The following CSMD1 variants were observed in gnomAD, a reference collection of about 807,000 sequenced individuals.
CSMD1 encodes CUB and sushi domain-containing protein 1.
A neutral mutation model predicts 417.5 loss-of-function variants in CSMD1; 213 were observed. That is an observed-to-expected ratio of 0.51 (90% CI 0.46 to 0.57). CSMD1 has a LOEUF of 0.57. Among genes scored for constraint, CSMD1 ranks in the 20% least tolerant of loss-of-function variants. CSMD1 has a pLI of 0.00. For synonymous variants in CSMD1, 2,862 were observed against 1,736.8 expected, an observed-to-expected ratio of 1.65 and a Z score of -16.11; for missense variants, 6,923 against 4,529.7, an observed-to-expected ratio of 1.53 and a Z score of -15.17.
intron 29 of CSMD1, 93 bp downstream of exon 29, chr8:3,219,162 A>G (rs905050479): frequency 3.9e-6 from 4 of 1,034,390 alleles, no homozygotes; most frequent in Non-Finnish European, 5.7e-6. Flanking sequence ...TTTATGTATT[A>G]AACAGACAAG....
chr8:4,927,002 A>T (rs1365123794), intron 1 of CSMD1, among the ~76,000 whole-genome samples: 1 of 152,020 alleles, frequency 6.6e-6, no homozygotes, highest in Non-Finnish European at 1.5e-5. Flanking sequence ...TAAAGATTCA[A>T]AGCAGTAGAC....
At position 3,037,139 on chromosome 8, in the gene CSMD1, G is replaced by A. The variant is rs529175598; in HGVS notation, c.7661-7626C>T. Reference sequence around the variant, plus strand: ...GGCCTCCAGCTCCATCCAAGTCCCTGCACAAGACATTATTTCATTCCTTTT... The same window carrying A: ...GGCCTCCAGCTCCATCCAAGTCCCTACACAAGACATTATTTCATTCCTTTT... On this transcript the variant is annotated intron_variant, in intron 50 of 69. Transcript: ENST00000635120. 1.2e-4 allele frequency among the ~76,000 whole-genome samples: 18 copies of A among 152,184 alleles called. No individual in the cohort carries two copies. The South Asian group carries it at 3.3e-3, about 28-fold the overall frequency.
chr8:3,404,625 A>C (rs1471400766), intron 15 of CSMD1, among the ~76,000 whole-genome samples: 1 of 152,264 alleles, frequency 6.6e-6, no homozygotes, highest in African/African-American at 2.4e-5. Context: ...TTAAAAATAA[A>C]TACATGTTGA....
At chr8:4,893,004 C>T (rs1804226222) in intron 1 of CSMD1, among the ~76,000 whole-genome samples, 1 of 152,110 alleles carries the variant, frequency 6.6e-6, no homozygotes, top group South Asian at 2.1e-4. Context: ...TGTGATACTG[C>T]ATCTGTGTTT....
At chr8:4,574,641 C>A (rs1799050645) in intron 2 of CSMD1, among the ~76,000 whole-genome samples, 1 of 152,174 alleles carries the variant, frequency 6.6e-6, no homozygotes, top group Non-Finnish European at 1.5e-5. Flanking sequence ...ATGGGAGACA[C>A]TTAAAGAATT....
intron 26 of CSMD1, among the ~76,000 whole-genome samples, chr8:3,279,527 T>C (rs940606247): frequency 2.0e-5 from 3 of 152,128 alleles, no homozygotes; most frequent in Non-Finnish European, 2.9e-5. Context: ...CGTATGACAA[T>C]CCCAGTGGGA....
At chr8:4,554,733 G>C (rs769530170) in intron 2 of CSMD1, among the ~76,000 whole-genome samples, 1 of 152,166 alleles carries the variant, frequency 6.6e-6, no homozygotes, top group Admixed American at 6.6e-5. Flanking sequence ...CTATTGTAGT[G>C]ATGTATTCGA....
intron 2 of CSMD1, among the ~76,000 whole-genome samples, chr8:4,525,261 G>C (rs761478180): frequency 2.6e-5 from 4 of 152,096 alleles, no homozygotes; most frequent in African/African-American, 9.7e-5. Context: ...GAACAGAGAG[G>C]AAAGGAAAGA....
intron 2 of CSMD1, among the ~76,000 whole-genome samples, chr8:4,554,012 T>A (rs538800674): frequency 5.3e-5 from 8 of 152,338 alleles, no homozygotes; most frequent in Non-Finnish European, 8.8e-5. Flanking sequence ...TAGTAGACCT[T>A]GCGATCTAAC....
chr8:4,903,522 A>G (rs1805037880), intron 1 of CSMD1, among the ~76,000 whole-genome samples: 2 of 152,278 alleles, frequency 1.3e-5, no homozygotes, highest in Non-Finnish European at 1.5e-5. Flanking sequence ...ACTGCAAAAA[A>G]TACTGAAACA....
At chr8:4,809,514 C>G (rs1485298989) in intron 1 of CSMD1, among the ~76,000 whole-genome samples, 1 of 152,148 alleles carries the variant, frequency 6.6e-6, no homozygotes, top group Non-Finnish European at 1.5e-5. Flanking sequence ...GAATCTCAGA[C>G]TAAGTTCTAC....
intron 11 of CSMD1, among the ~76,000 whole-genome samples, chr8:3,473,888 T>C (rs1585217113): frequency 6.6e-6 from 1 of 152,008 alleles, no homozygotes; most frequent in Non-Finnish European, 1.5e-5. Flanking sequence ...ACAATCATGG[T>C]AGAGGGTGAA....
chr8:4,905,895 AAT>A (rs916090539), intron 1 of CSMD1, among the ~76,000 whole-genome samples: 4 of 150,706 alleles, frequency 2.7e-5, no homozygotes, highest in African/African-American at 7.3e-5. Context: ...TCTCACATCT[AAT>A]TGCCTTTCTC....
chr8:3,833,870 A>T (rs1013099167), intron 5 of CSMD1, among the ~76,000 whole-genome samples: 1 of 152,146 alleles, frequency 6.6e-6, no homozygotes, highest in African/African-American at 2.4e-5. Context: ...TTTGATTTGA[A>T]GTGTAGTTGT....
Position 3,833,584 on chromosome 8 carries a change from A to G in CSMD1, c.819-79542T>C, listed in dbSNP as rs74985574. ...GTAATCAACTTTTTTGTTTTTCATA[A>G]TTTTGATGATACTTTGAACAATAAT... On this transcript the variant is annotated intron_variant, in intron 5 of 69. Transcript: ENST00000635120. 1.3e-4 allele frequency among the ~76,000 whole-genome samples: 19 copies of G among 151,902 alleles called. No individual in the cohort carries two copies. In the East Asian group the frequency reaches 3.7e-3, roughly 29 times the overall value.
At chr8:3,733,232 C>G (rs913911155) in intron 6 of CSMD1, among the ~76,000 whole-genome samples, 4 of 147,080 alleles carry the variant, frequency 2.7e-5, no homozygotes, top group Middle Eastern at 3.6e-3. Context: ...CATACACATA[C>G]ATATATTACA....
intron 1 of CSMD1, among the ~76,000 whole-genome samples, chr8:4,921,466 G>A (rs190232698): frequency 6.0e-4 from 91 of 152,254 alleles, no homozygotes; most frequent in African/African-American, 2.0e-3. Context: ...TCTTTATACT[G>A]TCCCCTGAAA....
At chr8:4,225,568 A>G (rs1207489620) in intron 3 of CSMD1, among the ~76,000 whole-genome samples, 1 of 149,814 alleles carries the variant, frequency 6.7e-6, no homozygotes, top group South Asian at 2.1e-4. Context: ...GGCTGTTAAG[A>G]GCCTAAATAC....
rs189049481 is a variant in CSMD1 at position 4,182,514 on chromosome 8, C to T, written c.416-150415G>A. Among the ~76,000 whole-genome samples, 209 of 152,160 alleles carry T rather than the reference C, an allele frequency of 1.4e-3. 1 individual carries two copies. Among genetic ancestry groups the T allele is most frequent in the African/African-American group, 4.5e-3 (185 of 41,508 alleles). On this transcript the variant is annotated intron_variant, in intron 3 of 69. Transcript: ENST00000635120. Reference sequence around the variant, plus strand: ...GTCACATTATTAGCGAAATGTTGGACGGGCTATATATGCTCAATCGATATT... The same window carrying T: ...GTCACATTATTAGCGAAATGTTGGATGGGCTATATATGCTCAATCGATATT...
Sources: gnomAD v4.1 joint callset for allele counts (sites outside exome capture counted in the v4.1 genomes callset) on GRCh38, gnomAD v4.1.1 for gene constraint, MANE v1.5 for transcripts, NCBI Gene and HGNC (gene_info 2026-07-23, HGNC 2026-07-21) for gene names.